Variants in BMPER observed in about 807,000 individuals in gnomAD.
BMPER encodes the protein BMP binding endothelial regulator.
Under a neutral mutation model 87.3 loss-of-function variants are expected in BMPER, and 45 were observed. That is an observed-to-expected ratio of 0.52 (90% CI 0.41 to 0.66). The LOEUF is 0.66. Ranked by LOEUF, BMPER falls within the 30% of genes least tolerant of loss-of-function variation. The pLI is 0.00. For missense variants in BMPER, 784 were observed against 867.5 expected (o/e 0.90, Z 1.21); for synonymous variants, 326 against 316.2 (o/e 1.03, Z -0.33).
chr7:33,926,221 T>C (rs1784357960), intron 2 of BMPER, among the ~76,000 whole-genome samples: 1 of 152,202 alleles, frequency 6.6e-6, no homozygotes, highest in Non-Finnish European at 1.5e-5. Flanking sequence ...GTATTTTTGG[T>C]CAGATAGATC....
intron 13 of BMPER, among the ~76,000 whole-genome samples, chr7:34,112,647 T>C (rs888294429): frequency 7.2e-5 from 11 of 152,150 alleles, no homozygotes; most frequent in Non-Finnish European, 1.5e-4. Context: ...TATACTGTTG[T>C]AGCATGTTTT....
At chr7:34,082,285 A>G (rs1467805418) in intron 12 of BMPER, among the ~76,000 whole-genome samples, 2 of 151,206 alleles carry the variant, frequency 1.3e-5, no homozygotes, top group African/African-American at 4.9e-5. Context: ...TGCCTATTTA[A>G]AATATTATTT....
chr7:33,941,388 A>G (rs1784763062), intron 3 of BMPER, among the ~76,000 whole-genome samples: 1 of 151,564 alleles, frequency 6.6e-6, no homozygotes. Flanking sequence ...TTTTCTTTCC[A>G]TGGACAGGGG....
chr7:34,132,651 G>A, intron 13 of BMPER, among the ~76,000 whole-genome samples: 1 of 152,140 alleles, frequency 6.6e-6, no homozygotes, highest in Non-Finnish European at 1.5e-5. Context: ...GTTTCTTTGG[G>A]GTAAAGATCC....
intron 3 of BMPER, among the ~76,000 whole-genome samples, chr7:33,941,899 T>C (rs140730613): frequency 5.3e-5 from 8 of 152,238 alleles, no homozygotes; most frequent in African/African-American, 1.9e-4. Flanking sequence ...TTCTCCTGTA[T>C]TTTGAATGGT....
At chr7:34,142,870 TAAAATA>T (rs951765032) in intron 13 of BMPER, among the ~76,000 whole-genome samples, 1 of 152,196 alleles carries the variant, frequency 6.6e-6, no homozygotes, top group African/African-American at 2.4e-5. Flanking sequence ...CTAAGTTAAT[TAAAATA>T]AAAGCAAATT....
chr7:33,928,592 ACT>A (rs2128606671), intron 2 of BMPER, among the ~76,000 whole-genome samples: 1 of 134,862 alleles, frequency 7.4e-6, no homozygotes, highest in East Asian at 2.2e-4. Context: ...CAGCCAGGAC[ACT>A]CTAATGGCCT....
chr7:34,001,253 T>A (rs1786572319), intron 6 of BMPER, among the ~76,000 whole-genome samples: 1 of 151,950 alleles, frequency 6.6e-6, no homozygotes, highest in East Asian at 1.9e-4. Context: ...GTGTTAATTG[T>A]TTTTTAAACA....
At chr7:33,999,924 A>G (rs1235108201) in intron 6 of BMPER, among the ~76,000 whole-genome samples, 1 of 152,230 alleles carries the variant, frequency 6.6e-6, no homozygotes, top group Non-Finnish European at 1.5e-5. Flanking sequence ...CTCAGAAATG[A>G]AGTGGAGACC....
At chr7:33,953,420 G>C (rs1475562385) in intron 3 of BMPER, among the ~76,000 whole-genome samples, 1 of 152,200 alleles carries the variant, frequency 6.6e-6, no homozygotes, top group Non-Finnish European at 1.5e-5. Flanking sequence ...GCCACTTCTA[G>C]TTACTTGACC....
rs781255103 is a variant in BMPER at position 34,119,012 on chromosome 7, T to TCACACACACACACA, written c.1746-24217_1746-24216insACACACACACACAC. ...CTCTCTCACTGTCTCTCTCTCTCTC[T>TCACACACACACACA]CTCACACACACACACACACACACAC... is the stretch of plus-strand genomic sequence containing the variant. On this transcript the variant is annotated intron_variant, in intron 13 of 14. Transcript: ENST00000649409. Among the ~76,000 whole-genome samples the TCACACACACACACA allele has an allele frequency of 2.5e-3, 83 of 32,962 alleles. No homozygotes were observed. In the Middle Eastern group the frequency reaches 0.036, roughly 14 times the overall value. 21.6% of individuals were successfully genotyped at this position (32,962 alleles called of 152,430 possible).
At chr7:34,143,093 T>C in intron 13 of BMPER, 137 bp from the exon 14 acceptor site, 1 of 1,291,712 alleles carries the variant, frequency 7.7e-7, no homozygotes, top group Non-Finnish European at 1.1e-6. Context: ...TTTTGCCAAT[T>C]TAGATTTCCA....
At chr7:34,101,290 G>A (rs1181841885) in intron 13 of BMPER, among the ~76,000 whole-genome samples, 1 of 152,184 alleles carries the variant, frequency 6.6e-6, no homozygotes, top group Non-Finnish European at 1.5e-5. Flanking sequence ...TGATTCTAAT[G>A]TGCAACAGAT....
intron 5 of BMPER, among the ~76,000 whole-genome samples, chr7:33,971,908 A>G (rs755994797): frequency 3.3e-5 from 5 of 152,014 alleles, no homozygotes; most frequent in Admixed American, 1.3e-4. Context: ...TATTTATTTT[A>G]TTTTTATTTT....
chr7:33,941,800 A>G (rs1233606133), intron 3 of BMPER, among the ~76,000 whole-genome samples: 2 of 152,156 alleles, frequency 1.3e-5, no homozygotes, highest in East Asian at 3.9e-4. Flanking sequence ...AGTTCCTTAC[A>G]AGGTACAGAC....
intron 13 of BMPER, among the ~76,000 whole-genome samples, chr7:34,120,731 G>A (rs1375455774): frequency 2.0e-5 from 3 of 152,232 alleles, no homozygotes; most frequent in South Asian, 4.1e-4. Flanking sequence ...ACCTCAGTTG[G>A]ATATAGCTTA....
At chr7:34,111,144 G>A (rs1321613396) in intron 13 of BMPER, among the ~76,000 whole-genome samples, 1 of 152,178 alleles carries the variant, frequency 6.6e-6, no homozygotes, top group Non-Finnish European at 1.5e-5. Flanking sequence ...AATTATTGAG[G>A]AGAGGCAGCT....
At chr7:34,010,090 A>G (rs550263095) in intron 6 of BMPER, among the ~76,000 whole-genome samples, 3 of 151,712 alleles carry the variant, frequency 2.0e-5, no homozygotes, top group African/African-American at 7.2e-5. Context: ...TATAAACCAC[A>G]CTCTCCTTCA....
chr7:34,110,888 G>T (rs1488852602), intron 13 of BMPER, among the ~76,000 whole-genome samples: 1 of 152,124 alleles, frequency 6.6e-6, no homozygotes, highest in Non-Finnish European at 1.5e-5. Flanking sequence ...AGGTCTCTGG[G>T]GTTAAAGTCT....
Sources: gnomAD v4.1 joint callset for allele counts (sites outside exome capture counted in the v4.1 genomes callset) on GRCh38, gnomAD v4.1.1 for gene constraint, MANE v1.5 for transcripts, NCBI Gene and HGNC (gene_info 2026-07-23, HGNC 2026-07-21) for gene names.